The following C4orf36 variants were observed in gnomAD, a reference collection of about 807,000 sequenced individuals.
The protein encoded by C4orf36 is chromosome 4 open reading frame 36.
C4orf36 carries 11 observed loss-of-function variants against 12.2 expected under a neutral mutation model. The ratio of observed to expected loss-of-function variants is 0.90; its 90% CI spans 0.57 to 1.49. The LOEUF (loss-of-function observed/expected upper bound fraction) is 1.49. Among genes scored for constraint, C4orf36 ranks in the 40% most tolerant of loss-of-function variants. The pLI is 0.00. For synonymous variants in C4orf36, 54 were observed against 51.3 expected (o/e 1.05, Z -0.22); for missense variants, 137 against 133.9 (o/e 1.02, Z -0.11).
chr4:86,908,716 G>A, the C4orf36 span, among the ~76,000 whole-genome samples: 1 of 146,524 alleles, frequency 6.8e-6, no homozygotes, highest in East Asian at 2.1e-4. Context: ...TTAATTATAT[G>A]CTAGAAGCTG....
the C4orf36 span, chr4:86,932,327 A>G: frequency 6.7e-6 from 1 of 149,022 alleles, no homozygotes; most frequent in Non-Finnish European, 1.5e-5. Flanking sequence ...AGCCTGGGGA[A>G]CAAGAGTGAA....
At chr4:86,930,225 T>C in the C4orf36 span, among the ~76,000 whole-genome samples, 2 of 152,242 alleles carry the variant, frequency 1.3e-5, no homozygotes, top group Non-Finnish European at 2.9e-5. Flanking sequence ...CCTTTTCCTC[T>C]TCTTATTTAG....
At chr4:86,911,778 C>G in the C4orf36 span, among the ~76,000 whole-genome samples, 1 of 152,150 alleles carries the variant, frequency 6.6e-6, no homozygotes, top group African/African-American at 2.4e-5. Flanking sequence ...CCTTAACCTT[C>G]TGGGCTCAAG....
At chr4:86,898,335 T>C in the C4orf36 span, among the ~76,000 whole-genome samples, 1 of 152,160 alleles carries the variant, frequency 6.6e-6, no homozygotes, top group South Asian at 2.1e-4. Context: ...GAGGTTGCAG[T>C]GAGCCGAGAT....
upstream of C4orf36, among the ~76,000 whole-genome samples, chr4:86,894,549 T>C (rs572541347): frequency 4.6e-5 from 7 of 152,248 alleles, no homozygotes; most frequent in East Asian, 1.2e-3. Flanking sequence ...TAGAAATAGG[T>C]CTAGGGCCAC....
intron 2 of C4orf36, among the ~76,000 whole-genome samples, chr4:86,891,012 A>T (rs1747387571): frequency 6.6e-6 from 1 of 152,218 alleles, no homozygotes; most frequent in Admixed American, 6.5e-5. Flanking sequence ...ACAGGATATA[A>T]AAGCGACCCT....
the C4orf36 span, among the ~76,000 whole-genome samples, chr4:86,917,468 G>GA: frequency 4.4e-5 from 2 of 45,878 alleles, no homozygotes; most frequent in South Asian, 1.2e-3. Context: ...AGAAAGAAAA[G>GA]AAAGAAATAA....
chr4:86,876,271 A>C lies in C4orf36; in HGVS notation c.*175T>G. The C allele has an allele frequency of 3.9e-6, 3 of 774,002 alleles. No homozygotes were observed. The highest frequency in any genetic ancestry group is 5.0e-5 in the South Asian group (2 of 39,814). The allele number at this position is 774,002 out of a possible 1,614,324, so 47.9% of individuals were successfully genotyped here. ...AAACAAACTGAGTTCCACTGAAATTAAGAGATTTTCTCGGTCTCTGGGCGG... is the reference window on the plus strand; with the variant it reads ...AAACAAACTGAGTTCCACTGAAATTCAGAGATTTTCTCGGTCTCTGGGCGG... On this transcript the variant is annotated 3_prime_UTR_variant, in exon 5 of 5. Coordinates refer to ENST00000295898, the MANE Select transcript of C4orf36 (RefSeq NM_144645.4).
chr4:86,879,936 G>A (rs1357508570), intron 4 of C4orf36, among the ~76,000 whole-genome samples: 2 of 150,446 alleles, frequency 1.3e-5, no homozygotes, highest in African/African-American at 2.5e-5. Context: ...CTGCAGCCTC[G>A]AACTCCTGGG....
chr4:86,905,378 C>CTAAA, the C4orf36 span, among the ~76,000 whole-genome samples: 1 of 141,234 alleles, frequency 7.1e-6, no homozygotes, highest in Non-Finnish European at 1.6e-5. Flanking sequence ...GACTCCATCT[C>CTAAA]GAAATAAATA....
upstream of C4orf36, among the ~76,000 whole-genome samples, chr4:86,895,635 G>GTGGA (rs1210533953): frequency 6.6e-6 from 1 of 152,182 alleles, no homozygotes; most frequent in Non-Finnish European, 1.5e-5. Context: ...TTTCTAGAAG[G>GTGGA]TGGATGTCCA....
At chr4:86,890,311 G>A (rs1747356197) in intron 2 of C4orf36, among the ~76,000 whole-genome samples, 1 of 151,494 alleles carries the variant, frequency 6.6e-6, no homozygotes, top group African/African-American at 2.4e-5. Flanking sequence ...CTGAACCCAG[G>A]AAGTCAGACT....
At chr4:86,933,903 G>C in the C4orf36 span, among the ~76,000 whole-genome samples, 8 of 152,186 alleles carry the variant, frequency 5.3e-5, no homozygotes, top group African/African-American at 1.7e-4. Context: ...AGGGCGAAGA[G>C]TTATATTTTG....
the C4orf36 span, among the ~76,000 whole-genome samples, chr4:86,917,858 A>G: frequency 1.8e-5 from 2 of 108,658 alleles, no homozygotes; most frequent in East Asian, 5.4e-4. Context: ...ACTGAATACT[A>G]TTGGCAGTTG....
chr4:86,924,592 C>G, the C4orf36 span: 3 of 152,494 alleles, frequency 2.0e-5, no homozygotes, highest in Admixed American at 1.3e-4. Flanking sequence ...ATCCTCCTGC[C>G]TTGGCTTCCC....
chr4:86,917,528 GAGAA>G, the C4orf36 span, among the ~76,000 whole-genome samples: 109 of 144,498 alleles, frequency 7.5e-4, 1 homozygote, highest in East Asian at 0.012. Flanking sequence ...AGAAAAGAGA[GAGAA>G]AGAGAAAGAA....
At chr4:86,894,024 G>GTAGC (rs58868081), upstream of C4orf36, among the ~76,000 whole-genome samples, 47,430 of 150,806 alleles carry the variant, frequency 0.31, 7,964 homozygotes, top group Non-Finnish European at 0.36. Context: ...AGCCTCTCGA[G>GTAGC]TAGCTGGGAC....
the C4orf36 span, among the ~76,000 whole-genome samples, chr4:86,902,997 G>A: frequency 6.6e-6 from 1 of 152,152 alleles, no homozygotes; most frequent in South Asian, 2.1e-4. Flanking sequence ...GATTTGGAAG[G>A]TACATGGTGG....
At chr4:86,923,071 C>A in the C4orf36 span, among the ~76,000 whole-genome samples, 2 of 150,962 alleles carry the variant, frequency 1.3e-5, no homozygotes, top group African/African-American at 4.9e-5. Context: ...AGGTGCTAGC[C>A]ACTGCATCCA....
Sources: allele counts gnomAD v4.1 joint callset (sites outside exome capture counted in the v4.1 genomes callset), GRCh38; gene constraint gnomAD v4.1.1; transcripts MANE v1.5; gene names NCBI Gene and HGNC (gene_info 2026-07-23, HGNC 2026-07-21).